COL25A1: variants seen among roughly 807,000 people sequenced by gnomAD.
COL25A1 encodes the protein collagen alpha-1(XXV) chain.
A neutral mutation model predicts 128.4 loss-of-function variants in COL25A1; 103 were observed. That is an observed-to-expected ratio of 0.80 (90% confidence interval 0.68 to 0.94). The LOEUF is 0.94. Among genes scored for constraint, COL25A1 ranks in the 40% least tolerant of loss-of-function variants. COL25A1 has a pLI of 0.00. For synonymous variants in COL25A1, 279 were observed against 277.2 expected (o/e 1.01, Z -0.06); for missense variants, 745 against 840.0 (o/e 0.89, Z 1.40).
intron 31 of COL25A1, among the ~76,000 whole-genome samples, chr4:108,835,619 A>G (rs1445926161): frequency 6.6e-6 from 1 of 152,098 alleles, no homozygotes; most frequent in African/African-American, 2.4e-5. Flanking sequence ...CAATGGCACA[A>G]TCTTGGCTCA....
intron 20 of COL25A1, among the ~76,000 whole-genome samples, chr4:108,868,626 G>T (rs1738255464): frequency 6.8e-6 from 1 of 146,450 alleles, no homozygotes; most frequent in Non-Finnish European, 1.5e-5. Context: ...AAGAAAGAAA[G>T]AAGGGAAAAG....
chr4:109,255,859 A>G (rs575061581), intron 3 of COL25A1, among the ~76,000 whole-genome samples: 10 of 152,332 alleles, frequency 6.6e-5, no homozygotes, highest in African/African-American at 2.4e-4. Flanking sequence ...GAATGTTTCA[A>G]TTCCATTCTG....
intron 3 of COL25A1, among the ~76,000 whole-genome samples, chr4:109,238,478 T>C (rs1779615465): frequency 6.6e-6 from 1 of 152,050 alleles, no homozygotes; most frequent in Admixed American, 6.6e-5. Context: ...GACCAAGTGC[T>C]TGAGGGCTTA....
In COL25A1 at chr4:109,205,654, G is replaced by T. The variant is rs567521541; in HGVS notation, c.367+94929C>A. 5.3e-5 allele frequency among the ~76,000 whole-genome samples: 8 copies of T among 152,192 alleles called. No homozygotes were observed. The East Asian group carries it at 1.5e-3, about 29-fold the overall frequency. ...TCATTTACCCAGACTTACAAGAGGG[G>T]ATATAAACTTCTATCTTGATTGTCA... On this transcript the variant is annotated intron_variant, in intron 3 of 37. Coordinates refer to ENST00000399132, the MANE Select transcript of COL25A1 (RefSeq NM_198721.4).
At chr4:109,027,334 T>TA (rs1307201413) in intron 5 of COL25A1, among the ~76,000 whole-genome samples, 1 of 151,956 alleles carries the variant, frequency 6.6e-6, no homozygotes, top group Admixed American at 6.6e-5. Context: ...TAATGCTCTG[T>TA]AAGATGGAGG....
chr4:109,269,944 T>C (rs1290886033), intron 3 of COL25A1, among the ~76,000 whole-genome samples: 2 of 152,142 alleles, frequency 1.3e-5, no homozygotes, highest in African/African-American at 4.8e-5. Flanking sequence ...TAATCCAGCA[T>C]ATAAACAGAG....
intron 3 of COL25A1, among the ~76,000 whole-genome samples, chr4:109,129,204 A>C (rs1300934319): frequency 1.3e-5 from 2 of 151,684 alleles, no homozygotes; most frequent in African/African-American, 4.8e-5. Context: ...ATCTTGGCTC[A>C]CCGTAACCTC....
Position 108,809,965 on chromosome 4 carries a change from T to G in COL25A1, c.*3962A>C, listed in dbSNP as rs1461241967. The G allele has an allele frequency of 8.7e-6, 1 of 115,568 alleles. No homozygotes were observed. The highest frequency in any genetic ancestry group is 2.1e-5 in the Non-Finnish European group (1 of 47,946). The allele number at this position is 115,568 out of a possible 1,614,324, so 7.2% of individuals were successfully genotyped here. On this transcript the variant is annotated 3_prime_UTR_variant, in exon 38 of 38. Transcript: ENST00000399132. ...AGCAGGAGCTCTTGTTTTTACAAAT[T>G]AGAAAATCCTATTTTTTTGTAGTGT... is the stretch of plus-strand genomic sequence containing the variant.
chr4:108,813,869 A>T lies in COL25A1; in HGVS notation c.*58T>A. The T allele has an allele frequency of 7.3e-7, 1 of 1,369,214 alleles. No individual in the cohort carries two copies. Among genetic ancestry groups the T allele is most frequent in the Non-Finnish European group, 1.0e-6 (1 of 977,464 alleles). 84.8% of individuals were successfully genotyped at this position (1,369,214 alleles called of 1,614,324 possible). Reference sequence around the variant, plus strand: ...AAAATCTGCAATTCAGTTTTCAACTATAAATATTAAAAATGGACCCTTATA... The same window carrying T: ...AAAATCTGCAATTCAGTTTTCAACTTTAAATATTAAAAATGGACCCTTATA... On this transcript the variant is annotated 3_prime_UTR_variant, in exon 38 of 38. Coordinates refer to ENST00000399132, the MANE Select transcript of COL25A1 (RefSeq NM_198721.4).
chr4:109,010,242 G>T, intron 6 of COL25A1, 116 bp downstream of exon 6: 1 of 801,134 alleles, frequency 1.2e-6, no homozygotes, highest in Non-Finnish European at 2.0e-6. Context: ...TCTACTGTGT[G>T]GTGTTGTGAT....
At chr4:109,180,778 C>A (rs779817381) in intron 3 of COL25A1, among the ~76,000 whole-genome samples, 1 of 152,002 alleles carries the variant, frequency 6.6e-6, no homozygotes, top group African/African-American at 2.4e-5. Context: ...GAAAGGGCTG[C>A]AATTTTAGAA....
intron 3 of COL25A1, among the ~76,000 whole-genome samples, chr4:109,225,006 A>G (rs1778705493): frequency 6.6e-6 from 1 of 152,126 alleles, no homozygotes; most frequent in Admixed American, 6.5e-5. Flanking sequence ...CTCCCAGAAA[A>G]TCTGACTTAA....
chr4:109,024,519 G>A (rs1379612291), intron 5 of COL25A1, among the ~76,000 whole-genome samples: 4 of 151,894 alleles, frequency 2.6e-5, no homozygotes, highest in Non-Finnish European at 5.9e-5. Context: ...AGATGAAGAG[G>A]GAGAGAGGAA....
At chr4:108,948,378 G>T (rs1358007353) in intron 8 of COL25A1, among the ~76,000 whole-genome samples, 1 of 152,124 alleles carries the variant, frequency 6.6e-6, no homozygotes, top group African/African-American at 2.4e-5. Context: ...GATGATAAAA[G>T]ATTGCCTCAT....
chr4:108,891,121 T>C (rs908471985), intron 16 of COL25A1, among the ~76,000 whole-genome samples: 3 of 152,136 alleles, frequency 2.0e-5, no homozygotes, highest in Non-Finnish European at 4.4e-5. Flanking sequence ...GCTCAATACA[T>C]GTAAGGTGAA....
intron 8 of COL25A1, among the ~76,000 whole-genome samples, chr4:108,955,620 C>T (rs987071620): frequency 6.6e-6 from 1 of 152,094 alleles, no homozygotes; most frequent in African/African-American, 2.4e-5. Context: ...TAGCATGGAA[C>T]ATTATGATCT....
intron 8 of COL25A1, among the ~76,000 whole-genome samples, chr4:108,943,711 C>A (rs1748404960): frequency 6.6e-6 from 1 of 152,070 alleles, no homozygotes; most frequent in Non-Finnish European, 1.5e-5. Flanking sequence ...ATAACTTGTA[C>A]TAACTCCTCC....
intron 22 of COL25A1, among the ~76,000 whole-genome samples, chr4:108,861,310 T>C (rs1204431284): frequency 4.6e-5 from 7 of 152,196 alleles, no homozygotes; most frequent in Non-Finnish European, 1.0e-4. Flanking sequence ...GCCATTTTCT[T>C]CCTTTTTATG....
intron 3 of COL25A1, among the ~76,000 whole-genome samples, chr4:109,097,014 A>T (rs1765453578): frequency 6.6e-6 from 1 of 152,214 alleles, no homozygotes; most frequent in African/African-American, 2.4e-5. Context: ...ATAGGAAAAA[A>T]GTTGACTAGT....
Sources: gnomAD v4.1 joint callset for allele counts (sites outside exome capture counted in the v4.1 genomes callset) on GRCh38, gnomAD v4.1.1 for gene constraint, MANE v1.5 for transcripts, NCBI Gene and HGNC (gene_info 2026-07-23, HGNC 2026-07-21) for gene names.